Variants in UQCR10 observed in about 807,000 individuals in gnomAD.
UQCR10 encodes the protein cytochrome b-c1 complex subunit 9.
UQCR10 carries 5 observed loss-of-function variants against 6.0 expected under a neutral mutation model. That is an observed-to-expected ratio of 0.83 (90% CI 0.43 to 1.74). The LOEUF is 1.74. Ranked by LOEUF, UQCR10 falls within the 40% of genes most tolerant of loss-of-function variation. UQCR10 has a pLI of 0.02. For missense variants in UQCR10, 101 were observed against 85.1 expected (o/e 1.19, Z -0.74); for synonymous variants, 40 against 37.4 (o/e 1.07, Z -0.26).
rs762815545 is a variant in UQCR10 at position 29,769,693 on chromosome 22, A to G, written c.166A>G (p.Ile56Val). The stretch of plus-strand genomic sequence containing the variant: ...TAAAATGCAGAAGCTGTGGAAACAC[A>G]TCAAGCACAAGTATGAGAACAAGTA... ...HINEGKLWKH[I>V]KHKYENK is the part of the protein sequence containing the mutation. The change falls in exon 2 of 2, where the codon ATC becomes GTC. Residue 56 changes from isoleucine (I) to valine (V), a missense_variant. Coordinates refer to ENST00000330029, the MANE Select transcript of UQCR10 (RefSeq NM_013387.4). The G allele has an allele frequency of 3.7e-6, 6 of 1,609,644 alleles. No individual in the cohort carries two copies. In the African/African-American group the frequency reaches 5.3e-5, roughly 14 times the overall value.
In UQCR10 at chr22:29,769,884, C is replaced by T. The variant is rs781555264; in HGVS notation, c.*165C>T. 8.6e-6 allele frequency: 7 copies of T among 816,302 alleles called. No individual in the cohort carries two copies. Among genetic ancestry groups the T allele is most frequent in the Non-Finnish European group, 6.2e-6 (3 of 482,024 alleles). The allele number at this position is 816,302 out of a possible 1,614,324, so 50.6% of individuals were successfully genotyped here. A position where few individuals can be genotyped will look rare whatever the true frequency, so the allele number is the denominator to read the frequency against. Reference sequence around the variant, plus strand: ...ACTTACAAAACAGACTCTTTACCTTCTGCTGTGTTTGAAGTATGTTTAGTC... The same window carrying T: ...ACTTACAAAACAGACTCTTTACCTTTTGCTGTGTTTGAAGTATGTTTAGTC... On this transcript the variant is annotated 3_prime_UTR_variant, in exon 2 of 2. Coordinates refer to ENST00000330029, the MANE Select transcript of UQCR10 (RefSeq NM_013387.4).
Position 29,769,704 on chromosome 22 carries a change from G to T in UQCR10, c.177G>T (p.Lys59Asn). The change falls in exon 2 of 2, where the codon AAG becomes AAT. Residue 59 changes from lysine to asparagine, a missense_variant. By Grantham distance (94) the Lys-to-Asn change is moderately conservative. Transcript: ENST00000330029. ...AGCTGTGGAAACACATCAAGCACAA[G>T]TATGAGAACAAGTAGTTCCTTGGAG... Reference protein sequence around the residue: ...EGKLWKHIKHKYENK With the variant: ...EGKLWKHIKHNYENK The T allele has an allele frequency of 6.2e-7, 1 of 1,609,652 alleles. No individual in the cohort carries two copies. The highest frequency in any genetic ancestry group is 8.5e-7 in the Non-Finnish European group (1 of 1,178,154).
chr22:29,767,725 G>A (rs1464521677), intron 1 of UQCR10, 177 bp downstream of exon 1: 15 of 989,880 alleles, frequency 1.5e-5, no homozygotes, highest in Admixed American at 3.0e-5. Context: ...AAAACGTTAA[G>A]CGAGGTTAAT....
Position 29,767,462 on chromosome 22 carries a change from G to T in UQCR10, c.64G>T (p.Ala22Ser), listed in dbSNP as rs536988546. ...GCTGTTCCGCAGGACCTCCACCTTCGCCCTCACCATCATCGTGGGCGTCAT... is the reference window on the plus strand; with the variant it reads ...GCTGTTCCGCAGGACCTCCACCTTCTCCCTCACCATCATCGTGGGCGTCAT... ...SLLFRRTSTF[A>S]LTIIVGVMFF... The change falls in exon 1 of 2, where the codon GCC (alanine) becomes TCC (serine). Residue 22 changes from alanine (A) to serine (S), a missense_variant. By Grantham distance (99) the Ala-to-Ser change is moderately conservative. Coordinates refer to ENST00000330029, the MANE Select transcript of UQCR10 (RefSeq NM_013387.4). The T allele has an allele frequency of 1.9e-6, 3 of 1,613,948 alleles. No individual in the cohort carries two copies. Among genetic ancestry groups the T allele is most frequent in the African/African-American group, 2.7e-5 (2 of 75,050 alleles).
rs749285394 is a variant in UQCR10 at position 29,769,794 on chromosome 22, G to T, written c.*75G>T. The T allele has an allele frequency of 9.9e-6, 15 of 1,508,580 alleles. No homozygotes were observed. In the East Asian group the frequency reaches 2.6e-4, roughly 27 times the overall value. 93.4% of individuals were successfully genotyped at this position (1,508,580 alleles called of 1,614,324 possible). ...CTGTTTGCCCAGAGCTGGAGCCTCAGCTTGAAGATGATGCTCAAGGTACTC... is the reference window on the plus strand; with the variant it reads ...CTGTTTGCCCAGAGCTGGAGCCTCATCTTGAAGATGATGCTCAAGGTACTC... On this transcript the variant is annotated 3_prime_UTR_variant, in exon 2 of 2. Coordinates refer to ENST00000330029, the MANE Select transcript of UQCR10 (RefSeq NM_013387.4).
At position 29,769,804 on chromosome 22, in the gene UQCR10, G is replaced by A. The variant is rs2147246483; in HGVS notation, c.*85G>A. On this transcript the variant is annotated 3_prime_UTR_variant, in exon 2 of 2. Coordinates refer to ENST00000330029, the MANE Select transcript of UQCR10 (RefSeq NM_013387.4). ...AGAGCTGGAGCCTCAGCTTGAAGAT[G>A]ATGCTCAAGGTACTCTTCATGGACC... 1 of 1,452,454 alleles carries A rather than the reference G, an allele frequency of 6.9e-7. No homozygotes were observed. Among genetic ancestry groups the A allele is most frequent in the South Asian group, 1.2e-5 (1 of 82,272 alleles). 90.0% of individuals were successfully genotyped at this position (1,452,454 alleles called of 1,614,324 possible).
At position 29,769,902 on chromosome 22, in the gene UQCR10, G is replaced by A. The variant is rs2068251979; in HGVS notation, c.*183G>A. 1 of 756,974 alleles carries A rather than the reference G, an allele frequency of 1.3e-6. No homozygotes were observed. Among genetic ancestry groups the A allele is most frequent in the Admixed American group, 2.0e-5 (1 of 49,830 alleles). 46.9% of individuals were successfully genotyped at this position (756,974 alleles called of 1,614,324 possible). A position where few individuals can be genotyped will look rare whatever the true frequency, so the allele number is the denominator to read the frequency against. On this transcript the variant is annotated 3_prime_UTR_variant, in exon 2 of 2. Transcript: ENST00000330029. ...TTACCTTCTGCTGTGTTTGAAGTATGTTTAGTCAGCATGCTCAGGAAATAA... is the reference window on the plus strand; with the variant it reads ...TTACCTTCTGCTGTGTTTGAAGTATATTTAGTCAGCATGCTCAGGAAATAA...
Position 29,767,480 on chromosome 22 carries a change from G to A in UQCR10, c.82G>A (p.Gly28Ser). The A allele has an allele frequency of 6.2e-7, 1 of 1,614,004 alleles. No individual in the cohort carries two copies. The highest frequency in any genetic ancestry group is 8.5e-7 in the Non-Finnish European group (1 of 1,179,888). ...CACCTTCGCCCTCACCATCATCGTGGGCGTCATGTTCTTCGAGCGCGCCTT... is the reference window on the plus strand; with the variant it reads ...CACCTTCGCCCTCACCATCATCGTGAGCGTCATGTTCTTCGAGCGCGCCTT... The part of the protein sequence containing the change: ...TSTFALTIIV[G>S]VMFFERAFDQ... Residue 28 changes from glycine (G) to serine (S), a missense_variant, in exon 1 of 2, where the codon GGC becomes AGC. By Grantham distance (56) the Gly-to-Ser change is moderately conservative (BLOSUM62 0). Transcript: ENST00000330029.
rs774177914 is a variant in UQCR10, at chr22:29,769,802, A to G, written c.*83A>G. On this transcript the variant is annotated 3_prime_UTR_variant, in exon 2 of 2. Transcript: ENST00000330029. The stretch of plus-strand genomic sequence containing the variant: ...CCAGAGCTGGAGCCTCAGCTTGAAG[A>G]TGATGCTCAAGGTACTCTTCATGGA... The G allele has an allele frequency of 4.8e-6, 7 of 1,470,934 alleles. No individual in the cohort carries two copies. In the Admixed American group the frequency reaches 1.4e-4, roughly 29 times the overall value. 91.1% of individuals were successfully genotyped at this position (1,470,934 alleles called of 1,614,324 possible).
chr22:29,767,379 G>C lies in UQCR10; in HGVS notation c.-20G>C, dbSNP rs372218155. The C allele has an allele frequency of 5.3e-4, 752 of 1,423,206 alleles. 1 individual carries two copies. Among genetic ancestry groups the C allele is most frequent in the Admixed American group, 1.0e-3 (59 of 56,808 alleles). The allele number at this position is 1,423,206 out of a possible 1,614,324, so 88.2% of individuals were successfully genotyped here. On this transcript the variant is annotated 5_prime_UTR_variant, in exon 1 of 2. Transcript: ENST00000330029. ...GGCCCCAGCGCAGGCGCGGTGGCGC[G>C]AGTTGGACTGTGAAGAAACATGGCG...
intron 1 of UQCR10, among the ~76,000 whole-genome samples, chr22:29,769,066 C>G (rs2068246231): frequency 6.6e-6 from 1 of 152,198 alleles, no homozygotes; most frequent in African/African-American, 2.4e-5. Flanking sequence ...GAGACATCTT[C>G]CAGGCTGTTT....
rs920295279 is a variant in UQCR10, at chr22:29,767,661, C to T, written c.150+113C>T. ...AGGAAGGGGGTAAGGGGTAAACCGT[C>T]GGCGTCTTCTGTCTCGAGTCCGCCG... On this transcript the variant is annotated intron_variant, in intron 1 of 1. Transcript: ENST00000330029. The T allele has an allele frequency of 4.9e-6, 7 of 1,439,510 alleles. No individual in the cohort carries two copies. In the African/African-American group the frequency reaches 5.8e-5, roughly 12 times the overall value. The allele number at this position is 1,439,510 out of a possible 1,614,324, so 89.2% of individuals were successfully genotyped here.
intron 1 of UQCR10, among the ~76,000 whole-genome samples, chr22:29,768,529 C>G (rs1166595815): frequency 6.6e-6 from 1 of 152,158 alleles, no homozygotes; most frequent in African/African-American, 2.4e-5. Context: ...TGCTACTGTC[C>G]CATCTCTTGC....
chr22:29,769,855 C>A lies in UQCR10; in HGVS notation c.*136C>A. ...ACCATTCGCTGTTGGCAAGAAACGG[C>A]TTTACTTACAAAACAGACTCTTTAC... On this transcript the variant is annotated 3_prime_UTR_variant, in exon 2 of 2. Coordinates refer to ENST00000330029, the MANE Select transcript of UQCR10 (RefSeq NM_013387.4). The A allele has an allele frequency of 9.9e-7, 1 of 1,005,716 alleles. No individual in the cohort carries two copies. The highest frequency in any genetic ancestry group is 1.5e-6 in the Non-Finnish European group (1 of 651,652). The allele number at this position is 1,005,716 out of a possible 1,614,324, so 62.3% of individuals were successfully genotyped here.
chr22:29,768,540 A>G (rs1316954163), intron 1 of UQCR10, among the ~76,000 whole-genome samples: 1 of 152,160 alleles, frequency 6.6e-6, no homozygotes, highest in East Asian at 1.9e-4. Context: ...CATCTCTTGC[A>G]AGTGGTTCTG....
intron 1 of UQCR10, among the ~76,000 whole-genome samples, chr22:29,767,929 C>A (rs890619017): frequency 2.7e-4 from 41 of 152,100 alleles, no homozygotes; most frequent in African/African-American, 9.2e-4. Context: ...GAGCAGGCGA[C>A]GGTCGTGAAA....
intron 1 of UQCR10, chr22:29,767,751 G>T: frequency 1.2e-6 from 1 of 845,900 alleles, no homozygotes; most frequent in South Asian, 2.1e-5. Flanking sequence ...TCATTTTGCA[G>T]GGGTTGTAAG....
intron 1 of UQCR10, among the ~76,000 whole-genome samples, chr22:29,769,227 C>T (rs911844394): frequency 2.6e-5 from 4 of 152,112 alleles, no homozygotes; most frequent in Non-Finnish European, 4.4e-5. Context: ...GAAGGCTCGG[C>T]GCGGTGGCTC....
chr22:29,770,223 C>T lies in UQCR10; in HGVS notation c.*504C>T. 1 of 351,120 alleles carries T rather than the reference C, an allele frequency of 2.8e-6. No individual in the cohort carries two copies. The highest frequency in any genetic ancestry group is 2.2e-5 in the South Asian group (1 of 45,206). 21.8% of individuals were successfully genotyped at this position (351,120 alleles called of 1,614,324 possible). ...CCTCAGCTGGGGGAAAGACCCTGGC[C>T]TAGGGGTCTTAGCCACTCCCCACCC... On this transcript the variant is annotated 3_prime_UTR_variant, in exon 2 of 2. Transcript: ENST00000330029.
Sources: gnomAD v4.1 joint callset for allele counts (sites outside exome capture counted in the v4.1 genomes callset) on GRCh38, gnomAD v4.1.1 for gene constraint, MANE v1.5 for transcripts, NCBI Gene and HGNC (gene_info 2026-07-23, HGNC 2026-07-21) for gene names.